The following ANKRD63 variants were observed in gnomAD, a reference collection of about 807,000 sequenced individuals.
The protein encoded by ANKRD63 is ankyrin repeat domain 63.
ANKRD63 carries 18 observed loss-of-function variants against 21.2 expected under a neutral mutation model. The ratio of observed to expected loss-of-function variants is 0.85; its 90% CI spans 0.59 to 1.26. The LOEUF (loss-of-function observed/expected upper bound fraction) is 1.26. Among genes scored for constraint, ANKRD63 ranks in the 50% most tolerant of loss-of-function variants. The probability of loss-of-function intolerance (pLI) is 0.00; values close to 1 mark genes in which losing one functional copy is unlikely to be tolerated. For synonymous variants in ANKRD63, 322 were observed against 273.3 expected (o/e 1.18, Z -1.76); for missense variants, 523 against 570.9 (o/e 0.92, Z 0.85).
At position 40,282,690 on chromosome 15, in the gene ANKRD63, C is replaced by T. The variant is rs2039560328; in HGVS notation, c.-104G>A. ...CCTCCGCCCGCGCTCTGATACCTCT[C>T]CCTCCGCGCGTGGGCGGCTGCAGCC... On this transcript the variant is annotated 5_prime_UTR_variant, in exon 1 of 1. Transcript: ENST00000434396. 1 of 891,478 alleles carries T rather than the reference C, an allele frequency of 1.1e-6. No individual in the cohort carries two copies. The highest frequency in any genetic ancestry group is 1.5e-6 in the Non-Finnish European group (1 of 647,208). The allele number at this position is 891,478 out of a possible 1,614,324, so 55.2% of individuals were successfully genotyped here.
rs945543611 is a variant in ANKRD63, at chr15:40,282,243, G to A, written c.344C>T (p.Ser115Phe). The A allele has an allele frequency of 1.1e-5, 17 of 1,519,156 alleles. No homozygotes were observed. The highest frequency in any genetic ancestry group is 1.1e-5 in the Non-Finnish European group (12 of 1,140,740). 94.1% of individuals were successfully genotyped at this position (1,519,156 alleles called of 1,614,324 possible). ...CCACATCACCGGGCTGTTGCCCGCA[G>A]AGTCGGCCGCCTCGGGGTCACCGCT... Reference protein sequence around the residue: ...QFSGDPEAADSAGNSPVMWAA... With the variant: ...QFSGDPEAADFAGNSPVMWAA... Residue 115 changes from serine to phenylalanine, a missense_variant, in exon 1 of 1, where the codon TCT becomes TTT. Coordinates refer to ENST00000434396, the MANE Select transcript of ANKRD63 (RefSeq NM_001190479.3).
Position 40,278,897 on chromosome 15 carries a change from G to C in ANKRD63, c.*2547C>G, listed in dbSNP as rs1282885005. Among the ~76,000 whole-genome samples, 4 of 152,216 alleles carry C rather than the reference G, an allele frequency of 2.6e-5. No individual in the cohort carries two copies. The highest frequency in any genetic ancestry group is 6.5e-5 in the Admixed American group (1 of 15,290). ...CATTCAACCAGAAAGCCGTATATCAGAGATACTGGAAAGATTACAGCACCT... is the reference window on the plus strand; with the variant it reads ...CATTCAACCAGAAAGCCGTATATCACAGATACTGGAAAGATTACAGCACCT... On this transcript the variant is annotated 3_prime_UTR_variant, in exon 1 of 1. Transcript: ENST00000434396.
Position 40,278,614 on chromosome 15 carries a change from C to G in ANKRD63, c.*2830G>C, listed in dbSNP as rs1392700445. Reference sequence around the variant, plus strand: ...GAAGGTAGAGATTGCTAGAGAGGACCCAGCCTCAACACCCTGGGGCTGACA... The same window carrying G: ...GAAGGTAGAGATTGCTAGAGAGGACGCAGCCTCAACACCCTGGGGCTGACA... On this transcript the variant is annotated 3_prime_UTR_variant, in exon 1 of 1. Transcript: ENST00000434396. Among the ~76,000 whole-genome samples, 1 of 152,044 alleles carries G rather than the reference C, an allele frequency of 6.6e-6. No homozygotes were observed. Among genetic ancestry groups the G allele is most frequent in the Non-Finnish European group, 1.5e-5 (1 of 68,026 alleles).
chr15:40,281,596 A>T lies in ANKRD63; in HGVS notation c.991T>A (p.Ser331Thr). The T allele has an allele frequency of 6.5e-7, 1 of 1,530,778 alleles. No individual in the cohort carries two copies. The highest frequency in any genetic ancestry group is 8.7e-7 in the Non-Finnish European group (1 of 1,144,346). The allele number at this position is 1,530,778 out of a possible 1,614,324, so 94.8% of individuals were successfully genotyped here. ...GSGRLGLRRR[S>T]TAPDIPSLVG... ...AGGCTGGGGATATCTGGGGCTGTGG[A>T]GCGTCGGCGCAAACCCAGGCGGCCA... The change falls in exon 1 of 1, where the codon TCC becomes ACC. Residue 331 changes from serine (S) to threonine (T), a missense_variant. Around this residue, in one of 2 missense-constraint regions of ANKRD63, gnomAD observed 308 missense variants for 290.4 expected, o/e 1.06. Transcript: ENST00000434396.
In ANKRD63 at chr15:40,282,429, A is replaced by T; in HGVS notation, c.158T>A (p.Val53Glu). 6.6e-7 allele frequency: 1 copy of T among 1,513,064 alleles called. No individual in the cohort carries two copies. The highest frequency in any genetic ancestry group is 8.8e-7 in the Non-Finnish European group (1 of 1,138,488). The allele number at this position is 1,513,064 out of a possible 1,614,324, so 93.7% of individuals were successfully genotyped here. A position where few individuals can be genotyped will look rare whatever the true frequency, so the allele number is the denominator to read the frequency against. The change falls in exon 1 of 1, where the codon GTG becomes GAG. Residue 53 changes from valine to glutamate, a missense_variant. Val to Glu is a moderately radical substitution (Grantham distance 121). Coordinates refer to ENST00000434396, the MANE Select transcript of ANKRD63 (RefSeq NM_001190479.3). Reference sequence around the variant, plus strand: ...CGCGGGGTCCGGCAGCCCCACGGCCACCATGAGCGGCGTACGGCCCTGCTC... The same window carrying T: ...CGCGGGGTCCGGCAGCCCCACGGCCTCCATGAGCGGCGTACGGCCCTGCTC... Reference protein sequence around the residue: ...RAEQGRTPLMVAVGLPDPALR... With the variant: ...RAEQGRTPLMEAVGLPDPALR...
chr15:40,282,356 C>T lies in ANKRD63; in HGVS notation c.231G>A (p.Val77=). ...VRLLLEQGAA[V]NLRDERGRTA... ...TGCGGCCGCGCTCGTCTCGCAGGTTCACTGCAGCACCCTGCTCGAGCAGCA... is the reference window on the plus strand; with the variant it reads ...TGCGGCCGCGCTCGTCTCGCAGGTTTACTGCAGCACCCTGCTCGAGCAGCA... The change falls in exon 1 of 1, where the codon GTG becomes GTA. Residue 77 remains valine (V), a synonymous_variant. Coordinates refer to ENST00000434396, the MANE Select transcript of ANKRD63 (RefSeq NM_001190479.3). 1 of 1,500,296 alleles carries T rather than the reference C, an allele frequency of 6.7e-7. No homozygotes were observed. The highest frequency in any genetic ancestry group is 8.8e-7 in the Non-Finnish European group (1 of 1,133,794). The allele number at this position is 1,500,296 out of a possible 1,614,324, so 92.9% of individuals were successfully genotyped here. A position where few individuals can be genotyped will look rare whatever the true frequency, so the allele number is the denominator to read the frequency against.
In ANKRD63 at chr15:40,282,703, G is replaced by C; in HGVS notation, c.-117C>G. The C allele has an allele frequency of 1.3e-6, 1 of 786,374 alleles. No individual in the cohort carries two copies. The highest frequency in any genetic ancestry group is 1.8e-6 in the Non-Finnish European group (1 of 552,136). The allele number at this position is 786,374 out of a possible 1,614,324, so 48.7% of individuals were successfully genotyped here. A position where few individuals can be genotyped will look rare whatever the true frequency, so the allele number is the denominator to read the frequency against. On this transcript the variant is annotated 5_prime_UTR_variant, in exon 1 of 1. Coordinates refer to ENST00000434396, the MANE Select transcript of ANKRD63 (RefSeq NM_001190479.3). ...TCTGATACCTCTCCCTCCGCGCGTG[G>C]GCGGCTGCAGCCGAGGGTCCCGAGG...
In ANKRD63 at chr15:40,281,295, C is replaced by T; in HGVS notation, c.*149G>A. The T allele has an allele frequency of 1.8e-6, 1 of 548,646 alleles. No homozygotes were observed. The highest frequency in any genetic ancestry group is 2.9e-6 in the Non-Finnish European group (1 of 339,024). The allele number at this position is 548,646 out of a possible 1,614,324, so 34.0% of individuals were successfully genotyped here. On this transcript the variant is annotated 3_prime_UTR_variant, in exon 1 of 1. Transcript: ENST00000434396. ...GAGGTCCCTTATTTCTGGTGGAGGG[C>T]TGGTGGAGGTCTCGCCTTGGCAGGG...
chr15:40,281,990 G>A lies in ANKRD63; in HGVS notation c.597C>T (p.Ala199=), dbSNP rs1343862042. ...GTCGATGCTCGGGGCTGGCCGCGGG[G>A]GCCGGGCGGCCAGGGGGACTATCGG... ...SNSDSPPGRP[A]PAASPEHRRP... Residue 199 remains alanine, a synonymous_variant, in exon 1 of 1, where the codon GCC becomes GCT. Coordinates refer to ENST00000434396, the MANE Select transcript of ANKRD63 (RefSeq NM_001190479.3). The A allele has an allele frequency of 4.9e-6, 6 of 1,216,596 alleles. No homozygotes were observed. Among genetic ancestry groups the A allele is most frequent in the South Asian group, 7.8e-5 (2 of 25,566 alleles). 75.4% of individuals were successfully genotyped at this position (1,216,596 alleles called of 1,614,324 possible).
Position 40,282,629 on chromosome 15 carries a change from G to A in ANKRD63, c.-43C>T, listed in dbSNP as rs1015102167. The A allele has an allele frequency of 2.2e-6, 3 of 1,341,134 alleles. No individual in the cohort carries two copies. The highest frequency in any genetic ancestry group is 4.0e-5 in the Admixed American group (1 of 24,890). 83.1% of individuals were successfully genotyped at this position (1,341,134 alleles called of 1,614,324 possible). On this transcript the variant is annotated 5_prime_UTR_variant, in exon 1 of 1. Coordinates refer to ENST00000434396, the MANE Select transcript of ANKRD63 (RefSeq NM_001190479.3). ...CCGGGCAGCCTGGCAGTTCCGCACG[G>A]GGGCGCCCCTGTTCTCGCGCCCCGC...
In ANKRD63 at chr15:40,282,884, A is replaced by G. The variant is rs1380028783; in HGVS notation, c.-298T>C. Among the ~76,000 whole-genome samples, 1 of 152,106 alleles carries G rather than the reference A, an allele frequency of 6.6e-6. No homozygotes were observed. The highest frequency in any genetic ancestry group is 2.4e-5 in the African/African-American group (1 of 41,422). On this transcript the variant is annotated 5_prime_UTR_variant, in exon 1 of 1. Coordinates refer to ENST00000434396, the MANE Select transcript of ANKRD63 (RefSeq NM_001190479.3). ...TGGCCCGCCACCAGACGTCGGGAGC[A>G]GAGACTCGACCCTCTCCCGAGTCTC...
chr15:40,282,013 C>T lies in ANKRD63; in HGVS notation c.574G>A (p.Asp192Asn). Residue 192 changes from aspartate to asparagine, a missense_variant, in exon 1 of 1, where the codon GAT becomes AAT. By Grantham distance (23) the Asp-to-Asn change is conservative. Coordinates refer to ENST00000434396, the MANE Select transcript of ANKRD63 (RefSeq NM_001190479.3). The stretch of plus-strand genomic sequence containing the variant: ...GGGGCCGGGCGGCCAGGGGGACTAT[C>T]GGAGTTGGAGCCCCGGGCCGCAGCG... ...AAAAARGSNS[D>N]SPPGRPAPAA... 8.2e-7 allele frequency: 1 copy of T among 1,218,692 alleles called. No homozygotes were observed. Among genetic ancestry groups the T allele is most frequent in the Non-Finnish European group, 1.0e-6 (1 of 981,374 alleles). The allele number at this position is 1,218,692 out of a possible 1,614,324, so 75.5% of individuals were successfully genotyped here. A position where few individuals can be genotyped will look rare whatever the true frequency, so the allele number is the denominator to read the frequency against.
rs1298530769 is a variant in ANKRD63, at chr15:40,278,683, T to C, written c.*2761A>G. ...AAAATGTGGTAAAACATGGAAGTTC[T>C]GCACAGAGCCGGGCCTGGGAAGGAG... On this transcript the variant is annotated 3_prime_UTR_variant, in exon 1 of 1. Coordinates refer to ENST00000434396, the MANE Select transcript of ANKRD63 (RefSeq NM_001190479.3). 1.3e-5 allele frequency among the ~76,000 whole-genome samples: 2 copies of C among 152,182 alleles called. No individual in the cohort carries two copies. The highest frequency in any genetic ancestry group is 2.9e-5 in the Non-Finnish European group (2 of 68,034).
rs1046057477 is a variant in ANKRD63, at chr15:40,279,432, G to T, written c.*2012C>A. Among the ~76,000 whole-genome samples, 1 of 152,214 alleles carries T rather than the reference G, an allele frequency of 6.6e-6. No homozygotes were observed. Among genetic ancestry groups the T allele is most frequent in the African/African-American group, 2.4e-5 (1 of 41,438 alleles). On this transcript the variant is annotated 3_prime_UTR_variant, in exon 1 of 1. Transcript: ENST00000434396. The stretch of plus-strand genomic sequence containing the variant: ...GCTGTAAAGTGACTTCAAGTATCCG[G>T]ATTTAATATTCTACAAGAGGAAGAG...
In ANKRD63 at chr15:40,282,536, C is replaced by T. The variant is rs781629288; in HGVS notation, c.51G>A (p.Leu17=). The part of the protein sequence containing the change: ...LCPRAGTRTF[L]EAMQAGKVHL... ...GCACTTTGCCCGCCTGCATGGCCTC[C>T]AGGAAGGTGCGCGTCCCCGCTCGGG... The change falls in exon 1 of 1, where the codon CTG becomes CTA. Residue 17 remains leucine, a synonymous_variant. Coordinates refer to ENST00000434396, the MANE Select transcript of ANKRD63 (RefSeq NM_001190479.3). 6 of 1,487,084 alleles carry T rather than the reference C, an allele frequency of 4.0e-6. No individual in the cohort carries two copies. In the South Asian group the frequency reaches 6.4e-5, roughly 16 times the overall value. 92.1% of individuals were successfully genotyped at this position (1,487,084 alleles called of 1,614,324 possible).
Position 40,282,557 on chromosome 15 carries a change from T to G in ANKRD63, c.30A>C (p.Arg10=). The G allele has an allele frequency of 2.0e-6, 3 of 1,470,036 alleles. No individual in the cohort carries two copies. Among genetic ancestry groups the G allele is most frequent in the Non-Finnish European group, 2.7e-6 (3 of 1,116,744 alleles). 91.1% of individuals were successfully genotyped at this position (1,470,036 alleles called of 1,614,324 possible). A position where few individuals can be genotyped will look rare whatever the true frequency, so the allele number is the denominator to read the frequency against. MLKPKDLCP[R]AGTRTFLEAM... is the part of the protein sequence containing the mutation. ...CCTCCAGGAAGGTGCGCGTCCCCGCTCGGGGGCACAGGTCCTTGGGTTTGA... is the reference window on the plus strand; with the variant it reads ...CCTCCAGGAAGGTGCGCGTCCCCGCGCGGGGGCACAGGTCCTTGGGTTTGA... Residue 10 remains arginine, a synonymous_variant, in exon 1 of 1, where the codon CGA becomes CGC. Transcript: ENST00000434396.
Position 40,282,393 on chromosome 15 carries a change from C to A in ANKRD63, c.194G>T (p.Arg65Leu). 6.7e-7 allele frequency: 1 copy of A among 1,497,254 alleles called. No homozygotes were observed. The highest frequency in any genetic ancestry group is 8.8e-7 in the Non-Finnish European group (1 of 1,132,558). 92.7% of individuals were successfully genotyped at this position (1,497,254 alleles called of 1,614,324 possible). Reference sequence around the variant, plus strand: ...CTGCTCGAGCAGCAGCCGCACGAAGCGCGCGCGCAGCGCGGGGTCCGGCAG... The same window carrying A: ...CTGCTCGAGCAGCAGCCGCACGAAGAGCGCGCGCAGCGCGGGGTCCGGCAG... ...VGLPDPALRA[R>L]FVRLLLEQGA... is the part of the protein sequence containing the mutation. Residue 65 changes from arginine to leucine, a missense_variant, in exon 1 of 1, where the codon CGC becomes CTC. This residue lies in a region of ANKRD63 where 215 missense variants were observed against 280.4 expected (regional missense o/e 0.77). Transcript: ENST00000434396.
Position 40,281,454 on chromosome 15 carries a change from G to A in ANKRD63, c.1133C>T (p.Ala378Val). 1 of 1,413,706 alleles carries A rather than the reference G, an allele frequency of 7.1e-7. No homozygotes were observed. Among genetic ancestry groups the A allele is most frequent in the Non-Finnish European group, 9.2e-7 (1 of 1,088,876 alleles). The allele number at this position is 1,413,706 out of a possible 1,614,324, so 87.6% of individuals were successfully genotyped here. A position where few individuals can be genotyped will look rare whatever the true frequency, so the allele number is the denominator to read the frequency against. Residue 378 changes from alanine to valine, a missense_variant, in exon 1 of 1, where the codon GCT becomes GTT. By Grantham distance (64) the Ala-to-Val change is moderately conservative. This residue lies in a region of ANKRD63 where 308 missense variants were observed against 290.4 expected (regional missense o/e 1.06). Coordinates refer to ENST00000434396, the MANE Select transcript of ANKRD63 (RefSeq NM_001190479.3). ...GGGCCTTGGCGCCGTTTACCGCTGA[G>A]CACGCAGCACCACAGCCTCGGTGCC... is the stretch of plus-strand genomic sequence containing the variant. The part of the protein sequence containing the change: ...QAGTEAVVLR[A>V]QR
In ANKRD63 at chr15:40,281,924, G is replaced by A; in HGVS notation, c.663C>T (p.Arg221=). 1 of 1,401,612 alleles carries A rather than the reference G, an allele frequency of 7.1e-7. No individual in the cohort carries two copies. The highest frequency in any genetic ancestry group is 1.6e-5 in the South Asian group (1 of 63,292). The allele number at this position is 1,401,612 out of a possible 1,614,324, so 86.8% of individuals were successfully genotyped here. A position where few individuals can be genotyped will look rare whatever the true frequency, so the allele number is the denominator to read the frequency against. The change falls in exon 1 of 1, where the codon CGC becomes CGT. Residue 221 remains arginine (R), a synonymous_variant. Transcript: ENST00000434396. ...CGTGGCCGCCCGCCGCTCGCGCAAA[G>A]CGCGCCAGGAGAGGCCGCGGGAGGC... ...PRRLPRPLLA[R]FARAAGGHGG...
Sources: gnomAD v4.1 joint callset for allele counts (sites outside exome capture counted in the v4.1 genomes callset) on GRCh38, gnomAD v4.1.1 for gene constraint, gnomAD v4.1.1 regional missense constraint, MANE v1.5 for transcripts, NCBI Gene and HGNC (gene_info 2026-07-23, HGNC 2026-07-21) for gene names.